GASK1A: variants seen among roughly 807,000 people sequenced by gnomAD.
GASK1A encodes the protein Golgi-associated kinase 1A.
In GASK1A, 40 loss-of-function variants were observed where a neutral mutation model predicts 41.2. The observed-to-expected ratio is 0.97, with a 90% CI of 0.75 to 1.27. GASK1A has a LOEUF of 1.27. Among genes scored for constraint, GASK1A ranks in the 50% most tolerant of loss-of-function variants. GASK1A has a pLI of 0.00. For missense variants in GASK1A, 678 were observed against 745.1 expected, an observed-to-expected ratio of 0.91 and a Z score of 1.05; for synonymous variants, 316 against 307.1, an observed-to-expected ratio of 1.03 and a Z score of -0.30.
At chr3:43,047,868 C>G (rs1323867403) in intron 2 of GASK1A, among the ~76,000 whole-genome samples, 1 of 152,180 alleles carries the variant, frequency 6.6e-6, no homozygotes, top group Non-Finnish European at 1.5e-5. Context: ...TGTAGATAAT[C>G]TCAATCTTCC....
chr3:43,056,316 A>C lies in GASK1A; in HGVS notation c.1658A>C (p.Gln553Pro), dbSNP rs2089716094. ...GLKQVLQTLE[Q>P]RGQVLLGHIQ... Reference sequence around the variant, plus strand: ...AAGCAGGTCCTCCAGACCCTGGAGCAGCGAGGACAGGTGCTGCTGGGACAC... The same window carrying C: ...AAGCAGGTCCTCCAGACCCTGGAGCCGCGAGGACAGGTGCTGCTGGGACAC... Residue 553 changes from glutamine (Q) to proline (P), a missense_variant, in exon 5 of 5, where the codon CAG becomes CCG. Coordinates refer to ENST00000430121, the MANE Select transcript of GASK1A (RefSeq NM_001129908.3). The C allele has an allele frequency of 6.4e-7, 1 of 1,551,530 alleles. No homozygotes were observed. Among genetic ancestry groups the C allele is most frequent in the Non-Finnish European group, 8.7e-7 (1 of 1,147,026 alleles).
chr3:43,037,072 C>T (rs1316715761), intron 2 of GASK1A: 2 of 577,370 alleles, frequency 3.5e-6, no homozygotes, highest in African/African-American at 1.8e-5. Flanking sequence ...AGCATGCTCA[C>T]TCTTGGGTGC....
rs369224670 is a variant in GASK1A, at chr3:43,041,211, A to G, written c.1290+7658A>G. Among the ~76,000 whole-genome samples the G allele has an allele frequency of 2.8e-4, 42 of 151,710 alleles. No homozygotes were observed. In the South Asian group the frequency reaches 3.3e-3, roughly 12 times the overall value. On this transcript the variant is annotated intron_variant, in intron 2 of 4. Coordinates refer to ENST00000430121, the MANE Select transcript of GASK1A (RefSeq NM_001129908.3). ...CATGTGCACGTGTCTTTATAGCAGCATGATTTATAGTCCTTTGGATATATA... is the reference window on the plus strand; with the variant it reads ...CATGTGCACGTGTCTTTATAGCAGCGTGATTTATAGTCCTTTGGATATATA...
At chr3:42,985,546 C>CGA (rs1553613314) in intron 1 of GASK1A, among the ~76,000 whole-genome samples, 2 of 134,702 alleles carry the variant, frequency 1.5e-5, no homozygotes, top group African/African-American at 5.3e-5. Context: ...CCTGTGCATA[C>CGA]GTGTGTGTGT....
intron 1 of GASK1A, among the ~76,000 whole-genome samples, chr3:42,983,582 G>A (rs774432487): frequency 6.6e-6 from 1 of 152,188 alleles, no homozygotes; most frequent in Non-Finnish European, 1.5e-5. Context: ...CCAAACAGCC[G>A]CAGGTCCTTG....
At chr3:43,014,711 G>A (rs138556897) in intron 1 of GASK1A, among the ~76,000 whole-genome samples, 11 of 152,242 alleles carry the variant, frequency 7.2e-5, no homozygotes, top group South Asian at 2.1e-4. Context: ...TCATAGGAAG[G>A]CGTGGTATGA....
chr3:43,037,472 G>T, intron 2 of GASK1A: 1 of 636,172 alleles, frequency 1.6e-6, no homozygotes, highest in Non-Finnish European at 2.8e-6. Flanking sequence ...TATAGAGAGT[G>T]AAGGATGCTG....
chr3:42,999,691 G>A (rs1018460066), intron 1 of GASK1A, among the ~76,000 whole-genome samples: 7 of 152,186 alleles, frequency 4.6e-5, no homozygotes, highest in Admixed American at 3.9e-4. Context: ...ACAAATTGAC[G>A]CACATCGAGT....
intron 2 of GASK1A, among the ~76,000 whole-genome samples, chr3:43,038,064 G>A (rs564338130): frequency 1.3e-5 from 2 of 152,220 alleles, no homozygotes; most frequent in South Asian, 2.1e-4. Context: ...TACATCATAC[G>A]TACTTTACGA....
chr3:43,003,837 ATG>A (rs1043669873), intron 1 of GASK1A, among the ~76,000 whole-genome samples: 10 of 152,228 alleles, frequency 6.6e-5, no homozygotes, highest in Non-Finnish European at 1.5e-4. Flanking sequence ...TATTGGAAGG[ATG>A]TGCTCAGATT....
At chr3:43,006,435 A>G (rs760014041) in intron 1 of GASK1A, among the ~76,000 whole-genome samples, 2 of 152,166 alleles carry the variant, frequency 1.3e-5, no homozygotes, top group Non-Finnish European at 2.9e-5. Flanking sequence ...CCTTCATTCT[A>G]CCCTCATATT....
At position 43,056,226 on chromosome 3, in the gene GASK1A, T is replaced by A; in HGVS notation, c.1568T>A (p.Met523Lys). ...KVLASGCLQNMLLKSLQMDPV... is the reference protein window; with the variant it reads ...KVLASGCLQNKLLKSLQMDPV... Reference sequence around the variant, plus strand: ...CTCGCATCAGGGTGTCTACAGAACATGCTGCTGAAGTCGCTGCAGATGGAC... The same window carrying A: ...CTCGCATCAGGGTGTCTACAGAACAAGCTGCTGAAGTCGCTGCAGATGGAC... Residue 523 changes from methionine (M) to lysine (K), a missense_variant, in exon 5 of 5, where the codon ATG (methionine) becomes AAG (lysine). Physicochemically the swap from Met to Lys is moderately conservative, Grantham distance 95. Coordinates refer to ENST00000430121, the MANE Select transcript of GASK1A (RefSeq NM_001129908.3). 6.4e-7 allele frequency: 1 copy of A among 1,551,722 alleles called. No homozygotes were observed. Among genetic ancestry groups the A allele is most frequent in the Non-Finnish European group, 8.7e-7 (1 of 1,146,988 alleles).
chr3:43,011,902 G>A (rs1174273892), intron 1 of GASK1A, among the ~76,000 whole-genome samples: 1 of 151,694 alleles, frequency 6.6e-6, no homozygotes, highest in Non-Finnish European at 1.5e-5. Flanking sequence ...GGAAGGGGTA[G>A]TGTGAAGCCA....
chr3:43,012,423 C>T (rs1294109875), intron 1 of GASK1A, among the ~76,000 whole-genome samples: 3 of 150,336 alleles, frequency 2.0e-5, no homozygotes, highest in Non-Finnish European at 4.4e-5. Context: ...CAGGAAGTGG[C>T]TCTGTTAAGC....
intron 2 of GASK1A, among the ~76,000 whole-genome samples, chr3:43,046,015 G>C (rs2089660708): frequency 6.6e-6 from 1 of 152,108 alleles, no homozygotes; most frequent in Non-Finnish European, 1.5e-5. Flanking sequence ...CCTCAGTCTT[G>C]GGCAGCTGTT....
chr3:43,004,413 T>C (rs2089424468), intron 1 of GASK1A, among the ~76,000 whole-genome samples: 1 of 152,222 alleles, frequency 6.6e-6, no homozygotes, highest in African/African-American at 2.4e-5. Context: ...GATCAGCTGT[T>C]TTATTGTTTA....
At chr3:43,038,354 C>T (rs781337057) in intron 2 of GASK1A, among the ~76,000 whole-genome samples, 1 of 152,164 alleles carries the variant, frequency 6.6e-6, no homozygotes, top group Non-Finnish European at 1.5e-5. Context: ...TACTAATAAT[C>T]AGTAATAGTC....
At position 43,033,150 on chromosome 3, in the gene GASK1A, C is replaced by T. The variant is rs560020040; in HGVS notation, c.887C>T (p.Thr296Ile). 1 of 1,550,782 alleles carries T rather than the reference C, an allele frequency of 6.4e-7. No individual in the cohort carries two copies. Among genetic ancestry groups the T allele is most frequent in the African/African-American group, 1.4e-5 (1 of 73,142 alleles). The change falls in exon 2 of 5, where the codon ACT becomes ATT. Residue 296 changes from threonine to isoleucine, a missense_variant. Transcript: ENST00000430121. ...HGQVLQVGFS[T>I]EAALQDLSSP... The stretch of plus-strand genomic sequence containing the variant: ...CAGGTGCTACAGGTTGGCTTCTCCA[C>T]TGAGGCTGCCCTTCAGGACCTGTCC...
At chr3:43,023,522 C>T (rs2089531792) in intron 1 of GASK1A, among the ~76,000 whole-genome samples, 1 of 152,150 alleles carries the variant, frequency 6.6e-6, no homozygotes, top group African/African-American at 2.4e-5. Context: ...AGATGCACAC[C>T]CTAATTGCTA....
Sources: gnomAD v4.1 joint callset for allele counts (sites outside exome capture counted in the v4.1 genomes callset) on GRCh38, gnomAD v4.1.1 for gene constraint, MANE v1.5 for transcripts, NCBI Gene and HGNC (gene_info 2026-07-23, HGNC 2026-07-21) for gene names.